GLIS3: variants seen among roughly 807,000 people sequenced by gnomAD.
GLIS3 encodes the protein zinc finger protein GLIS3.
In GLIS3, 53 loss-of-function variants were observed where a neutral mutation model predicts 78.6. The ratio of observed to expected loss-of-function variants is 0.67; its 90% CI spans 0.54 to 0.85. GLIS3 has a LOEUF of 0.85. Among genes scored for constraint, GLIS3 ranks in the 40% least tolerant of loss-of-function variants. The pLI is 0.00. For synonymous variants in GLIS3, 684 were observed against 509.9 expected, an observed-to-expected ratio of 1.34 and a Z score of -4.60; for missense variants, 1,703 against 1,231.1, an observed-to-expected ratio of 1.38 and a Z score of -5.74.
In GLIS3 at chr9:3,937,206, A is replaced by G. The variant is rs747875082; in HGVS notation, c.1711-17T>C. ...ACCTTCAAACTGCAAAAAGAAAACAATTTTTGGTGGTTGAGAAGGACCTTG... is the reference window on the plus strand; with the variant it reads ...ACCTTCAAACTGCAAAAAGAAAACAGTTTTTGGTGGTTGAGAAGGACCTTG... On this transcript the variant is annotated splice_polypyrimidine_tract_variant and intron_variant, in intron 4 of 10. Coordinates refer to ENST00000381971, the MANE Select transcript of GLIS3 (RefSeq NM_001042413.2). 1 of 1,613,964 alleles carries G rather than the reference A, an allele frequency of 6.2e-7. No individual in the cohort carries two copies. The highest frequency in any genetic ancestry group is 8.5e-7 in the Non-Finnish European group (1 of 1,179,868).
chr9:4,196,782 A>AC (rs1048594606), intron 2 of GLIS3, among the ~76,000 whole-genome samples: 12 of 151,976 alleles, frequency 7.9e-5, no homozygotes, highest in Non-Finnish European at 1.2e-4. Context: ...GAGACCAAGA[A>AC]CCCCCCAATT....
At chr9:4,229,037 T>C (rs552444015) in intron 2 of GLIS3, among the ~76,000 whole-genome samples, 8 of 152,318 alleles carry the variant, frequency 5.3e-5, no homozygotes, top group South Asian at 2.1e-4. Context: ...GTTTTGTATA[T>C]ATGGATGGGG....
At chr9:3,970,235 C>T (rs1297418500) in intron 4 of GLIS3, among the ~76,000 whole-genome samples, 1 of 152,162 alleles carries the variant, frequency 6.6e-6, no homozygotes, top group Non-Finnish European at 1.5e-5. Context: ...GTAAACAAGA[C>T]CCTCTCTGTT....
intron 4 of GLIS3, among the ~76,000 whole-genome samples, chr9:4,092,382 G>A (rs541749532): frequency 6.6e-6 from 1 of 152,056 alleles, no homozygotes; most frequent in East Asian, 1.9e-4. Flanking sequence ...TCGATCTCCT[G>A]AGCTCGTGAT....
At chr9:3,946,263 T>C (rs915821161) in intron 4 of GLIS3, among the ~76,000 whole-genome samples, 64 of 152,248 alleles carry the variant, frequency 4.2e-4, no homozygotes, top group Admixed American at 3.6e-3. Context: ...ATTAATACTT[T>C]TGTTGCCAGC....
At chr9:3,879,381 G>C (rs1295229061) in intron 8 of GLIS3, 46 bp downstream of exon 8, 1 of 1,585,194 alleles carries the variant, frequency 6.3e-7, no homozygotes, top group South Asian at 1.1e-5. Flanking sequence ...TGTGAAGGGA[G>C]GTTTGGCGGC....
chr9:4,204,634 C>G (rs1819693216), intron 2 of GLIS3, among the ~76,000 whole-genome samples: 1 of 152,090 alleles, frequency 6.6e-6, no homozygotes, highest in African/African-American at 2.4e-5. Flanking sequence ...AAGAAGGAAT[C>G]AGGCCGGGCA....
At chr9:3,962,707 G>C (rs575266208) in intron 4 of GLIS3, among the ~76,000 whole-genome samples, 2 of 152,094 alleles carry the variant, frequency 1.3e-5, no homozygotes, top group African/African-American at 4.8e-5. Context: ...AGAGAAAGGG[G>C]GGAATGTGAA....
At chr9:4,325,649 A>G (rs1817587652) in intron 2 of GLIS3, among the ~76,000 whole-genome samples, 1 of 152,222 alleles carries the variant, frequency 6.6e-6, no homozygotes. Flanking sequence ...AGATACACTT[A>G]GGATTCACTT....
chr9:3,852,604 G>A (rs114734247), intron 9 of GLIS3, among the ~76,000 whole-genome samples: 16 of 152,174 alleles, frequency 1.1e-4, no homozygotes, highest in African/African-American at 3.9e-4. Context: ...GATAAATTTT[G>A]TCCTTACCCT....
rs189204900 is a variant in GLIS3 at position 4,143,356 on chromosome 9, C to A, written c.389-17415G>T. On this transcript the variant is annotated intron_variant, in intron 2 of 10. Transcript: ENST00000381971. ...CTGAGGCGGGCAGATCACCCGAGGT[C>A]AGGAGTTCGAGACCAGCCTGTCCAA... Among the ~76,000 whole-genome samples, 660 of 152,116 alleles carry A rather than the reference C, an allele frequency of 4.3e-3. 1 individual carries two copies. The highest frequency in any genetic ancestry group is 7.7e-3 in the Non-Finnish European group (525 of 67,996).
At chr9:4,013,799 G>A (rs1036768793) in intron 4 of GLIS3, among the ~76,000 whole-genome samples, 2 of 152,198 alleles carry the variant, frequency 1.3e-5, no homozygotes, top group Non-Finnish European at 1.5e-5. Context: ...GGCAGGCTAG[G>A]TAGGAGATAA....
chr9:4,267,570 C>T (rs866929441), intron 2 of GLIS3, among the ~76,000 whole-genome samples: 2 of 152,300 alleles, frequency 1.3e-5, no homozygotes, highest in Non-Finnish European at 2.9e-5. Context: ...ACTTAGCTAC[C>T]GATAGCACCA....
chr9:4,221,604 A>G (rs1360965487), intron 2 of GLIS3, among the ~76,000 whole-genome samples: 1 of 152,174 alleles, frequency 6.6e-6, no homozygotes, highest in Non-Finnish European at 1.5e-5. Flanking sequence ...CCCCCCTTTA[A>G]TATCAAAGAA....
chr9:4,320,857 C>T (rs537359158), intron 2 of GLIS3, among the ~76,000 whole-genome samples: 1 of 152,176 alleles, frequency 6.6e-6, no homozygotes, highest in Non-Finnish European at 1.5e-5. Flanking sequence ...TCATTCTGGT[C>T]TCTCTTCAAT....
chr9:4,007,332 C>T (rs1048809954), intron 4 of GLIS3, among the ~76,000 whole-genome samples: 2 of 152,078 alleles, frequency 1.3e-5, no homozygotes, highest in Non-Finnish European at 2.9e-5. Flanking sequence ...TCTCTGCCCC[C>T]ACACCTCAGG....
the GLIS3 span, among the ~76,000 whole-genome samples, chr9:4,420,207 G>A: frequency 6.6e-6 from 1 of 152,158 alleles, no homozygotes; most frequent in Non-Finnish European, 1.5e-5. Context: ...ACTGAAGAGG[G>A]GGCCACATGG....
chr9:4,295,594 A>AAT (rs1816411434), intron 1 of GLIS3, among the ~76,000 whole-genome samples: 1 of 152,214 alleles, frequency 6.6e-6, no homozygotes. Context: ...TATCTGTTAG[A>AAT]AACCAGGGCA....
At chr9:4,436,336 A>C in the GLIS3 span, among the ~76,000 whole-genome samples, 1 of 152,256 alleles carries the variant, frequency 6.6e-6, no homozygotes, top group African/African-American at 2.4e-5. Flanking sequence ...AAATTAATAT[A>C]AACAATATTA....
Sources: allele counts gnomAD v4.1 joint callset (sites outside exome capture counted in the v4.1 genomes callset), GRCh38; gene constraint gnomAD v4.1.1; transcripts MANE v1.5; gene names NCBI Gene and HGNC (gene_info 2026-07-23, HGNC 2026-07-21).